Variants in GLRA1 observed in about 807,000 individuals in gnomAD.
GLRA1 encodes glycine receptor subunit alpha-1.
Under a neutral mutation model 48.3 loss-of-function variants are expected in GLRA1, and 37 were observed. That is an observed-to-expected ratio of 0.77 (90% CI 0.59 to 1.01). The LOEUF is 1.01. Among genes scored for constraint, GLRA1 ranks in the 50% least tolerant of loss-of-function variants. The pLI is 0.00. For synonymous variants in GLRA1, 196 were observed against 210.7 expected, an observed-to-expected ratio of 0.93 and a Z score of 0.60; for missense variants, 427 against 571.0, an observed-to-expected ratio of 0.75 and a Z score of 2.57.
rs373968007 is a variant in GLRA1 at position 151,894,087 on chromosome 5, C to T, written c.57-1649G>A. Among the ~76,000 whole-genome samples the T allele has an allele frequency of 1.2e-4, 18 of 152,220 alleles. No homozygotes were observed. In the East Asian group the frequency reaches 2.7e-3, roughly 23 times the overall value. On this transcript the variant is annotated intron_variant, in intron 1 of 8. Transcript: ENST00000274576. Reference sequence around the variant, plus strand: ...AGTTAGGAGCCATAAGCAGCACTGACATGTGCTTGTGGGGCTGGGATGTTG... The same window carrying T: ...AGTTAGGAGCCATAAGCAGCACTGATATGTGCTTGTGGGGCTGGGATGTTG...
intron 1 of GLRA1, among the ~76,000 whole-genome samples, chr5:151,902,585 C>G (rs1754390203): frequency 6.6e-6 from 1 of 151,992 alleles, no homozygotes; most frequent in African/African-American, 2.4e-5. Flanking sequence ...CTTTTAGATG[C>G]TGATAATCTC....
intron 7 of GLRA1, among the ~76,000 whole-genome samples, chr5:151,840,838 A>G (rs188860868): frequency 1.3e-5 from 2 of 152,220 alleles, no homozygotes; most frequent in African/African-American, 2.4e-5. Flanking sequence ...AAATATAACA[A>G]TTATAAACAT....
intron 2 of GLRA1, among the ~76,000 whole-genome samples, chr5:151,888,233 A>G (rs572821818): frequency 3.3e-5 from 5 of 152,344 alleles, no homozygotes; most frequent in South Asian, 2.1e-4. Context: ...AAGTAGCCCA[A>G]GCATTTTGCT....
intron 1 of GLRA1, among the ~76,000 whole-genome samples, chr5:151,915,879 C>T (rs1268734259): frequency 2.0e-5 from 3 of 152,064 alleles, no homozygotes; most frequent in Non-Finnish European, 4.4e-5. Context: ...TGATCAAGGA[C>T]AGAGAAATAA....
At chr5:151,866,951 A>G (rs953562665) in intron 3 of GLRA1, among the ~76,000 whole-genome samples, 1 of 152,058 alleles carries the variant, frequency 6.6e-6, no homozygotes, top group African/African-American at 2.4e-5. Context: ...AAAAAAGTAA[A>G]AATAAAAAAA....
In GLRA1 at chr5:151,850,417, A is replaced by G. The variant is rs538055329; in HGVS notation, c.912+973T>C. The G allele has an allele frequency of 4.3e-5, 52 of 1,210,576 alleles. No individual in the cohort carries two copies. The South Asian group carries it at 6.0e-4, about 14-fold the overall frequency. 75.0% of individuals were successfully genotyped at this position (1,210,576 alleles called of 1,614,324 possible). ...CCCAAGCCCATTCCTGGGAACAGGA[A>G]GTGTTCAGGCTGCCATACCAACTTC... On this transcript the variant is annotated intron_variant, in intron 7 of 8. Transcript: ENST00000274576.
At chr5:151,827,946 T>TGA (rs570583985) in intron 8 of GLRA1, among the ~76,000 whole-genome samples, 8 of 152,194 alleles carry the variant, frequency 5.3e-5, no homozygotes, top group Non-Finnish European at 1.0e-4. Flanking sequence ...GTTTAACAAA[T>TGA]ACTTATTGCA....
At chr5:151,865,005 A>T (rs1302269365) in intron 3 of GLRA1, among the ~76,000 whole-genome samples, 1 of 152,184 alleles carries the variant, frequency 6.6e-6, no homozygotes, top group East Asian at 1.9e-4. Context: ...TGGAATTAGA[A>T]CTTGGCTCTG....
chr5:151,916,786 C>T (rs1343545086), intron 1 of GLRA1, among the ~76,000 whole-genome samples: 6 of 152,122 alleles, frequency 3.9e-5, no homozygotes, highest in Admixed American at 1.3e-4. Context: ...ACTCATTGCC[C>T]GGGTGCCCCT....
At chr5:151,920,737 C>T (rs1025519623) in intron 1 of GLRA1, among the ~76,000 whole-genome samples, 3 of 152,018 alleles carry the variant, frequency 2.0e-5, no homozygotes, top group African/African-American at 7.2e-5. Context: ...AACTTCATTC[C>T]TTGGAGAAAA....
At chr5:151,916,764 C>T (rs1323326151) in intron 1 of GLRA1, among the ~76,000 whole-genome samples, 1 of 152,126 alleles carries the variant, frequency 6.6e-6, no homozygotes. Flanking sequence ...TGTCCCAGGG[C>T]CAGGATTTAA....
intron 1 of GLRA1, among the ~76,000 whole-genome samples, chr5:151,911,099 A>G (rs1270678031): frequency 1.3e-5 from 2 of 152,240 alleles, no homozygotes; most frequent in Non-Finnish European, 2.9e-5. Flanking sequence ...CCAACATAAC[A>G]GGGTGGATGC....
chr5:151,873,687 TACCTTAAAA>T (rs1458423280), intron 3 of GLRA1, among the ~76,000 whole-genome samples: 1 of 151,352 alleles, frequency 6.6e-6, no homozygotes, highest in African/African-American at 2.4e-5. Context: ...AAAAAAGGTT[TACCTTAAAA>T]ATTGAACTAA....
chr5:151,840,951 C>G (rs960329871), intron 7 of GLRA1, among the ~76,000 whole-genome samples: 5 of 152,060 alleles, frequency 3.3e-5, no homozygotes, highest in African/African-American at 1.2e-4. Flanking sequence ...CTTCAAAACC[C>G]TGCTTTTTAT....
At chr5:151,865,221 T>C (rs1484317652) in intron 3 of GLRA1, among the ~76,000 whole-genome samples, 1 of 152,208 alleles carries the variant, frequency 6.6e-6, no homozygotes, top group Non-Finnish European at 1.5e-5. Flanking sequence ...TCCAGTGTAA[T>C]GTTTACACCA....
chr5:151,908,073 G>T (rs1284084887), intron 1 of GLRA1, among the ~76,000 whole-genome samples: 1 of 152,030 alleles, frequency 6.6e-6, no homozygotes. Context: ...GCCCTTCTGA[G>T]GGCTCTCTCA....
At chr5:151,909,681 TC>T (rs1754561335) in intron 1 of GLRA1, among the ~76,000 whole-genome samples, 1 of 152,234 alleles carries the variant, frequency 6.6e-6, no homozygotes, top group Non-Finnish European at 1.5e-5. Context: ...GAGAAAATTA[TC>T]CTGTACCATT....
chr5:151,924,371 C>A, intron 1 of GLRA1, 123 bp downstream of exon 1: 1 of 766,940 alleles, frequency 1.3e-6, no homozygotes, highest in Admixed American at 1.7e-5. Context: ...GATGGAAGGA[C>A]CCGATTGCAG....
chr5:151,877,897 C>G (rs62394157), intron 3 of GLRA1, among the ~76,000 whole-genome samples: 1 of 152,110 alleles, frequency 6.6e-6, no homozygotes, highest in African/African-American at 2.4e-5. Flanking sequence ...TGAAAATGGA[C>G]TAATACAGTA....
Sources: gnomAD v4.1 joint callset for allele counts (sites outside exome capture counted in the v4.1 genomes callset) on GRCh38, gnomAD v4.1.1 for gene constraint, MANE v1.5 for transcripts, NCBI Gene and HGNC (gene_info 2026-07-23, HGNC 2026-07-21) for gene names.